CD80: variants seen among roughly 807,000 people sequenced by gnomAD.
CD80 encodes the protein CD80 molecule, also known as T-lymphocyte activation antigen CD80.
CD80 carries 13 observed loss-of-function variants against 27.1 expected under a neutral mutation model. The observed-to-expected ratio is 0.48, with a 90% CI of 0.31 to 0.76. The LOEUF (loss-of-function observed/expected upper bound fraction) is 0.76. CD80 is among the 30% of genes least tolerant of loss of function. The pLI is 0.04. For missense variants in CD80, 277 were observed against 347.9 expected, an observed-to-expected ratio of 0.80 and a Z score of 1.62; for synonymous variants, 125 against 125.5, an observed-to-expected ratio of 1.00 and a Z score of 0.03.
chr3:119,528,684 G>A (rs1307767947), intron 5 of CD80, among the ~76,000 whole-genome samples: 1 of 152,036 alleles, frequency 6.6e-6, no homozygotes, highest in Non-Finnish European at 1.5e-5. Context: ...AGCACTTTGG[G>A]AAGCCAAGGC....
intron 2 of CD80, among the ~76,000 whole-genome samples, chr3:119,547,627 G>GT (rs1344431484): frequency 2.0e-5 from 3 of 152,142 alleles, no homozygotes; most frequent in African/African-American, 7.2e-5. Flanking sequence ...TGATTTGTGT[G>GT]TATATTTTTT....
At chr3:119,559,174 G>A (rs990822444) in intron 1 of CD80, among the ~76,000 whole-genome samples, 1 of 152,146 alleles carries the variant, frequency 6.6e-6, no homozygotes, top group Non-Finnish European at 1.5e-5. Flanking sequence ...TTACTGGCTT[G>A]AGAAATTCAA....
chr3:119,535,297 C>A (rs2082131189), intron 4 of CD80, among the ~76,000 whole-genome samples: 1 of 151,888 alleles, frequency 6.6e-6, no homozygotes, highest in South Asian at 2.1e-4. Context: ...TTCGCAACTA[C>A]AAGTAAAGAC....
At chr3:119,556,210 C>T (rs772465990) in intron 2 of CD80, among the ~76,000 whole-genome samples, 2 of 152,206 alleles carry the variant, frequency 1.3e-5, no homozygotes. Context: ...GAACAAGGTG[C>T]TTTCCTAAAC....
At position 119,544,612 on chromosome 3, in the gene CD80, A is replaced by T; in HGVS notation, c.356T>A (p.Leu119Gln). ...CTTGAAAGCGTCTTTTTCATACTTC[A>T]GAACAACACACTCGTATGTGCCCTC... is the stretch of plus-strand genomic sequence containing the variant. The part of the protein sequence containing the change: ...SDEGTYECVV[L>Q]KYEKDAFKRE... Residue 119 changes from leucine to glutamine, a missense_variant, in exon 3 of 7, where the codon CTG (leucine) becomes CAG (glutamine). By Grantham distance (113) the Leu-to-Gln change is moderately radical. Transcript: ENST00000264246. The T allele has an allele frequency of 6.2e-7, 1 of 1,614,204 alleles. No homozygotes were observed. The highest frequency in any genetic ancestry group is 1.3e-5 in the African/African-American group (1 of 75,056).
chr3:119,551,220 C>G (rs2082229218), intron 2 of CD80, among the ~76,000 whole-genome samples: 1 of 152,174 alleles, frequency 6.6e-6, no homozygotes, highest in African/African-American at 2.4e-5. Context: ...GTATTAGAAT[C>G]ATAACCTTGA....
chr3:119,541,640 C>G (rs1016816073), intron 3 of CD80, among the ~76,000 whole-genome samples: 2 of 152,194 alleles, frequency 1.3e-5, no homozygotes, highest in Non-Finnish European at 2.9e-5. Context: ...AGATCCAAAC[C>G]CCAGACCTAC....
chr3:119,549,847 A>G (rs1181556968), intron 2 of CD80, among the ~76,000 whole-genome samples: 1 of 152,246 alleles, frequency 6.6e-6, no homozygotes, highest in Non-Finnish European at 1.5e-5. Context: ...AAGTGAAGCT[A>G]TATTAGCTAA....
chr3:119,545,027 T>G (rs190655034), intron 2 of CD80, among the ~76,000 whole-genome samples, 160 bp from the exon 3 acceptor site: 55 of 152,302 alleles, frequency 3.6e-4, no homozygotes, highest in African/African-American at 1.3e-3. Context: ...TTTTTTTCTC[T>G]TCATTTTTTA....
intron 3 of CD80, among the ~76,000 whole-genome samples, chr3:119,543,558 G>A (rs1000244113): frequency 2.6e-5 from 4 of 151,748 alleles, no homozygotes; most frequent in African/African-American, 9.7e-5. Flanking sequence ...CCAGGTTCAA[G>A]TGATTCTCCT....
Position 119,534,954 on chromosome 3 carries a change from G to C in CD80, c.700+2183C>G, listed in dbSNP as rs747589290. The stretch of plus-strand genomic sequence containing the variant: ...TGCCTGTAATCTCCACACTTTGGGA[G>C]GCTGAGGCGGGCAGATCACCTAAGG... On this transcript the variant is annotated intron_variant, in intron 4 of 6. Coordinates refer to ENST00000264246, the MANE Select transcript of CD80 (RefSeq NM_005191.4). Among the ~76,000 whole-genome samples, 6 of 152,304 alleles carry C rather than the reference G, an allele frequency of 3.9e-5. No individual in the cohort carries two copies. The East Asian group carries it at 1.2e-3, about 29-fold the overall frequency.
intron 2 of CD80, among the ~76,000 whole-genome samples, chr3:119,551,501 C>T (rs1444653267): frequency 4.6e-5 from 7 of 152,062 alleles, no homozygotes; most frequent in Non-Finnish European, 1.0e-4. Flanking sequence ...TCCTACTCTG[C>T]CTTGGGCGTG....
Position 119,557,784 on chromosome 3 carries a change from C to A in CD80, c.-56G>T. ...GCCAACAATTTGGACCCAAGTAAGA[C>A]CAGGGCACTTCCCAGGTGCAAAACA... On this transcript the variant is annotated 5_prime_UTR_variant, in exon 2 of 7. Transcript: ENST00000264246. The A allele has an allele frequency of 7.7e-7, 1 of 1,296,248 alleles. No individual in the cohort carries two copies. The allele number at this position is 1,296,248 out of a possible 1,614,324, so 80.3% of individuals were successfully genotyped here. A position where few individuals can be genotyped will look rare whatever the true frequency, so the allele number is the denominator to read the frequency against.
intron 4 of CD80, 56 bp from the exon 5 acceptor site, chr3:119,529,993 C>G (rs2107739595): frequency 8.1e-7 from 1 of 1,236,320 alleles, no homozygotes. Flanking sequence ...GCCTGATACT[C>G]ATTCTGTGCC....
chr3:119,540,956 G>A (rs1397204039), intron 3 of CD80, among the ~76,000 whole-genome samples: 1 of 152,024 alleles, frequency 6.6e-6, no homozygotes, highest in Non-Finnish European at 1.5e-5. Flanking sequence ...GCTGAGACAG[G>A]AGAATCGCTT....
rs1411878417 is a variant in CD80, at chr3:119,524,754, T to C, written c.*1034A>G. 1 of 152,214 alleles carries C rather than the reference T, an allele frequency of 6.6e-6. No individual in the cohort carries two copies. The highest frequency in any genetic ancestry group is 1.5e-5 in the Non-Finnish European group (1 of 68,048). The allele number at this position is 152,214 out of a possible 1,614,324, so 9.4% of individuals were successfully genotyped here. On this transcript the variant is annotated 3_prime_UTR_variant, in exon 7 of 7. Transcript: ENST00000264246. ...AAGGCAGTTTTAGAGAAAGGAGTCATGAGTAACATGAACAGCAGTTGGCTA... is the reference window on the plus strand; with the variant it reads ...AAGGCAGTTTTAGAGAAAGGAGTCACGAGTAACATGAACAGCAGTTGGCTA...
At chr3:119,551,831 C>T (rs907678497) in intron 2 of CD80, among the ~76,000 whole-genome samples, 17 of 152,190 alleles carry the variant, frequency 1.1e-4, no homozygotes, top group Non-Finnish European at 2.4e-4. Flanking sequence ...TGAACCACAC[C>T]CCCATAGGAC....
intron 3 of CD80, among the ~76,000 whole-genome samples, chr3:119,540,841 G>A (rs1441870890): frequency 6.6e-6 from 1 of 152,076 alleles, no homozygotes; most frequent in Non-Finnish European, 1.5e-5. Context: ...TTGAGGTCAG[G>A]AGTTTGAGAC....
At chr3:119,549,110 A>T (rs2082216590) in intron 2 of CD80, among the ~76,000 whole-genome samples, 1 of 152,176 alleles carries the variant, frequency 6.6e-6, no homozygotes, top group Non-Finnish European at 1.5e-5. Flanking sequence ...CCATGGTTCC[A>T]GGCTGAAATG....
Sources: allele counts gnomAD v4.1 joint callset (sites outside exome capture counted in the v4.1 genomes callset), GRCh38; gene constraint gnomAD v4.1.1; transcripts MANE v1.5; gene names NCBI Gene and HGNC (gene_info 2026-07-23, HGNC 2026-07-21).